The following PELI1 variants were observed in gnomAD, a reference collection of about 807,000 sequenced individuals.
The protein encoded by PELI1 is pellino E3 ubiquitin protein ligase 1, also known as E3 ubiquitin-protein ligase pellino homolog 1.
PELI1 carries 15 observed loss-of-function variants against 41.3 expected under a neutral mutation model. The observed-to-expected ratio is 0.36, with a 90% CI of 0.24 to 0.56. The LOEUF (loss-of-function observed/expected upper bound fraction) is 0.56, where lower values mean the gene tolerates loss of function less well. Ranked by LOEUF, PELI1 falls within the 20% of genes least tolerant of loss-of-function variation. The pLI is 0.82. For missense variants in PELI1, 403 were observed against 525.5 expected, an observed-to-expected ratio of 0.77 and a Z score of 2.28; for synonymous variants, 178 against 180.1, an observed-to-expected ratio of 0.99 and a Z score of 0.09.
intron 4 of PELI1, among the ~76,000 whole-genome samples, chr2:64,097,811 C>A (rs1348267718): frequency 6.6e-6 from 1 of 152,116 alleles, no homozygotes; most frequent in Non-Finnish European, 1.5e-5. Flanking sequence ...GTGTTTTTGT[C>A]CAACTGTCAA....
At chr2:64,098,054 G>A (rs1003191635) in intron 4 of PELI1, among the ~76,000 whole-genome samples, 8 of 152,272 alleles carry the variant, frequency 5.3e-5, no homozygotes, top group Middle Eastern at 6.8e-3. Flanking sequence ...TTTGGAAAGA[G>A]ACTGTTCCAG....
At chr2:64,114,827 T>C (rs1277403406) in intron 1 of PELI1, among the ~76,000 whole-genome samples, 1 of 152,110 alleles carries the variant, frequency 6.6e-6, no homozygotes, top group East Asian at 1.9e-4. Flanking sequence ...CAACTTCCTA[T>C]CTCCCCACTA....
intron 1 of PELI1, among the ~76,000 whole-genome samples, chr2:64,122,425 T>C (rs1234118297): frequency 6.6e-6 from 1 of 151,772 alleles, no homozygotes; most frequent in African/African-American, 2.4e-5. Flanking sequence ...CCTTTTCAGA[T>C]GTCTCTTTTC....
At chr2:64,113,558 T>C (rs1428642515) in intron 1 of PELI1, among the ~76,000 whole-genome samples, 1 of 152,138 alleles carries the variant, frequency 6.6e-6, no homozygotes, top group Non-Finnish European at 1.5e-5. Context: ...ATCTATTACT[T>C]TGAAACTTTG....
chr2:64,097,900 T>A (rs1051818826), intron 4 of PELI1, among the ~76,000 whole-genome samples: 2 of 152,206 alleles, frequency 1.3e-5, no homozygotes, highest in Non-Finnish European at 1.5e-5. Context: ...ATTCCTTTTC[T>A]TTATTCTTAA....
chr2:64,131,083 C>T (rs1221984044), intron 1 of PELI1, among the ~76,000 whole-genome samples: 1 of 152,080 alleles, frequency 6.6e-6, no homozygotes, highest in African/African-American at 2.4e-5. Context: ...GCCCTGAGTA[C>T]CTAGGAGAGA....
chr2:64,101,696 A>T (rs1435518155), intron 3 of PELI1, among the ~76,000 whole-genome samples: 1 of 152,230 alleles, frequency 6.6e-6, no homozygotes, highest in Non-Finnish European at 1.5e-5. Flanking sequence ...CCTTAAAACA[A>T]CAGCTTTAAG....
chr2:64,115,999 G>A (rs1680977875), intron 1 of PELI1, among the ~76,000 whole-genome samples: 2 of 152,102 alleles, frequency 1.3e-5, no homozygotes, highest in African/African-American at 4.8e-5. Flanking sequence ...TGGACTTTGT[G>A]TGCTTATTTT....
intron 1 of PELI1, among the ~76,000 whole-genome samples, chr2:64,111,079 C>T (rs558473605): frequency 6.6e-6 from 1 of 152,068 alleles, no homozygotes; most frequent in Non-Finnish European, 1.5e-5. Flanking sequence ...GCATTTATTT[C>T]TCTCCCTAGT....
intron 1 of PELI1, among the ~76,000 whole-genome samples, chr2:64,124,080 A>T (rs1681309566): frequency 1.3e-5 from 2 of 152,366 alleles, no homozygotes. Context: ...TGAAATGTCC[A>T]GAAAAGGCAA....
At chr2:64,121,146 G>C (rs960208681) in intron 1 of PELI1, among the ~76,000 whole-genome samples, 1 of 152,154 alleles carries the variant, frequency 6.6e-6, no homozygotes, top group Non-Finnish European at 1.5e-5. Context: ...GTTGATACCT[G>C]TTCAGTCCAG....
intron 1 of PELI1, among the ~76,000 whole-genome samples, chr2:64,114,271 G>A (rs1219846375): frequency 1.3e-5 from 2 of 152,098 alleles, no homozygotes; most frequent in East Asian, 1.9e-4. Flanking sequence ...GTATGTTTGC[G>A]GTGGAACCAT....
Position 64,093,427 on chromosome 2 carries a change from TGTG to T in PELI1, c.*1272_*1274del. 6.5e-6 allele frequency: 1 copy of T among 152,728 alleles called. No homozygotes were observed. The highest frequency in any genetic ancestry group is 3.4e-3 in the Middle Eastern group (1 of 294). The allele number at this position is 152,728 out of a possible 1,614,324, so 9.5% of individuals were successfully genotyped here. ...TTGATGTAGTGCAACTGTCTATACTTGTGGTGCCTTTGAAAAAAGGGTGGGAAG... is the reference window on the plus strand; with the variant it reads ...TTGATGTAGTGCAACTGTCTATACTTGTGCCTTTGAAAAAAGGGTGGGAAG... On this transcript the variant is annotated 3_prime_UTR_variant, in exon 7 of 7. Coordinates refer to ENST00000358912, the MANE Select transcript of PELI1 (RefSeq NM_020651.4).
rs530232782 is a variant in PELI1, at chr2:64,144,372, G to GGCGGCGCCCCCCGACGGTC, written c.-380_-362dup. 1,139 of 152,100 alleles carry GGCGGCGCCCCCCGACGGTC rather than the reference G, an allele frequency of 7.5e-3. 56 individuals carry two copies. Among genetic ancestry groups the GGCGGCGCCCCCCGACGGTC allele is most frequent in the Admixed American group, 0.06 (916 of 15,278 alleles). The allele number at this position is 152,100 out of a possible 1,614,324, so 9.4% of individuals were successfully genotyped here. On this transcript the variant is annotated 5_prime_UTR_variant, in exon 1 of 7. Transcript: ENST00000358912. The stretch of plus-strand genomic sequence containing the variant: ...TGCCGCTGCTGCTAGTGGAGGCGGC[G>GGCGGCGCCCCCCGACGGTC]GCGGCGCCCCCCGACGGTCCCTCCG...
intron 3 of PELI1, among the ~76,000 whole-genome samples, chr2:64,103,210 A>G (rs1054420490): frequency 6.6e-6 from 1 of 152,190 alleles, no homozygotes; most frequent in Non-Finnish European, 1.5e-5. Flanking sequence ...AGAGATAACA[A>G]TGAAAACATG....
rs547120334 is a variant in PELI1, at chr2:64,112,831, CT to C, written c.-69-4453del. 6.9e-4 allele frequency among the ~76,000 whole-genome samples: 103 copies of C among 149,364 alleles called. 1 individual carries two copies. The highest frequency in any genetic ancestry group is 1.4e-3 in the African/African-American group (56 of 40,838). Reference sequence around the variant, plus strand: ...GCTGTGACAGCTATTCTTCCTGGAACTTTTTTTTTTATGTGTTCTCTGAAGA... The same window carrying C: ...GCTGTGACAGCTATTCTTCCTGGAACTTTTTTTTTATGTGTTCTCTGAAGA... On this transcript the variant is annotated intron_variant, in intron 1 of 6. Transcript: ENST00000358912.
intron 1 of PELI1, among the ~76,000 whole-genome samples, chr2:64,139,842 C>T (rs1407725783): frequency 6.6e-6 from 1 of 152,186 alleles, no homozygotes; most frequent in Non-Finnish European, 1.5e-5. Flanking sequence ...TCCCAGTTTT[C>T]TAAACACAGC....
chr2:64,114,142 T>A (rs1680912706), intron 1 of PELI1, among the ~76,000 whole-genome samples: 1 of 152,222 alleles, frequency 6.6e-6, no homozygotes, highest in Non-Finnish European at 1.5e-5. Context: ...AACATTTTTT[T>A]ATGATGAAAA....
chr2:64,095,140 C>G lies in PELI1; in HGVS notation c.819G>C (p.Gln273His). 2 of 1,614,174 alleles carry G rather than the reference C, an allele frequency of 1.2e-6. No homozygotes were observed. The highest frequency in any genetic ancestry group is 1.7e-6 in the Non-Finnish European group (2 of 1,180,020). Reference sequence around the variant, plus strand: ...ACTGAGGTCGTGCTGCATTGATTTCCTGTCTTAAAGCTTCTAAATGCTTCA... The same window carrying G: ...ACTGAGGTCGTGCTGCATTGATTTCGTGTCTTAAAGCTTCTAAATGCTTCA... ...PTVKHLEALR[Q>H]EINAARPQCP... The change falls in exon 7 of 7, where the codon CAG (glutamine) becomes CAC (histidine). Residue 273 changes from glutamine to histidine, a missense_variant. By Grantham distance (24) the Gln-to-His change is conservative (BLOSUM62 0). Coordinates refer to ENST00000358912, the MANE Select transcript of PELI1 (RefSeq NM_020651.4).
Sources: gnomAD v4.1 joint callset for allele counts (sites outside exome capture counted in the v4.1 genomes callset) on GRCh38, gnomAD v4.1.1 for gene constraint, MANE v1.5 for transcripts, NCBI Gene and HGNC (gene_info 2026-07-23, HGNC 2026-07-21) for gene names.